Variants in SLC23A2 observed in about 807,000 individuals in gnomAD.
SLC23A2 encodes the protein solute carrier family 23 member 2, also known as Na(+)/L-ascorbic acid transporter 2.
In SLC23A2, 36 loss-of-function variants were observed where a neutral mutation model predicts 73.3. The ratio of observed to expected loss-of-function variants is 0.49; its 90% CI spans 0.38 to 0.65. SLC23A2 has a LOEUF of 0.65. Among genes scored for constraint, SLC23A2 ranks in the 30% least tolerant of loss-of-function variants. The pLI is 0.00. For synonymous variants in SLC23A2, 343 were observed against 327.3 expected (o/e 1.05, Z -0.52); for missense variants, 507 against 841.6 (o/e 0.60, Z 4.92).
upstream of SLC23A2, among the ~76,000 whole-genome samples, chr20:5,002,076 C>T (rs184171771): frequency 2.3e-4 from 35 of 152,308 alleles, no homozygotes; most frequent in Non-Finnish European, 4.1e-4. Context: ...GGCGGGTTCA[C>T]ATTCAGTGGC....
intron 2 of SLC23A2, among the ~76,000 whole-genome samples, chr20:4,949,707 C>A (rs1385250690): frequency 6.6e-6 from 1 of 152,036 alleles, no homozygotes; most frequent in African/African-American, 2.4e-5. Flanking sequence ...AGAAACATCA[C>A]CAGAGATACA....
At chr20:4,894,950 G>C (rs2122855377) in intron 6 of SLC23A2, among the ~76,000 whole-genome samples, 1 of 152,298 alleles carries the variant, frequency 6.6e-6, no homozygotes, top group South Asian at 2.1e-4. Context: ...CTGTAATCTA[G>C]ACACTTCTGC....
At chr20:4,921,611 A>T (rs1242199208) in intron 3 of SLC23A2, among the ~76,000 whole-genome samples, 1 of 152,054 alleles carries the variant, frequency 6.6e-6, no homozygotes, top group Admixed American at 6.6e-5. Flanking sequence ...CCAAAAAAAA[A>T]AAAAAAAGAA....
At chr20:4,937,837 T>C (rs1450309737) in intron 2 of SLC23A2, among the ~76,000 whole-genome samples, 1 of 152,094 alleles carries the variant, frequency 6.6e-6, no homozygotes, top group African/African-American at 2.4e-5. Flanking sequence ...GCCCTCCTTG[T>C]GATTTTTGAG....
At chr20:4,931,065 TAAGAAAAA>T (rs1568629633) in intron 3 of SLC23A2, among the ~76,000 whole-genome samples, 1 of 92,826 alleles carries the variant, frequency 1.1e-5, no homozygotes, top group African/African-American at 4.1e-5. Flanking sequence ...GTTATTTTTT[TAAGAAAAA>T]AAAAAAAAAA....
At chr20:4,884,913 GT>G in intron 7 of SLC23A2, 90 bp from the exon 8 acceptor site, 1 of 730,466 alleles carries the variant, frequency 1.4e-6, no homozygotes, top group Non-Finnish European at 2.2e-6. Context: ...TTTTCTCCCT[GT>G]TTTTATTACA....
At chr20:4,889,600 G>A (rs1300829047) in intron 6 of SLC23A2, among the ~76,000 whole-genome samples, 2 of 150,976 alleles carry the variant, frequency 1.3e-5, no homozygotes, top group African/African-American at 4.9e-5. Flanking sequence ...CTCACATGAC[G>A]AGCCAGCCTG....
Position 4,987,133 on chromosome 20 carries a change from G to A in SLC23A2, c.-282+14273C>T, listed in dbSNP as rs1049001192. 2.6e-5 allele frequency among the ~76,000 whole-genome samples: 4 copies of A among 152,094 alleles called. No homozygotes were observed. In the South Asian group the frequency reaches 6.2e-4, roughly 24 times the overall value. ...TCACACTAGGGGTCCAGAAGCAAGT[G>A]CAAAAAGAACTCAAACAGAAGCCAA... On this transcript the variant is annotated intron_variant, in intron 1 of 16. Transcript: ENST00000338244.
intron 1 of SLC23A2, among the ~76,000 whole-genome samples, chr20:4,996,635 G>A (rs921774328): frequency 2.1e-5 from 3 of 142,424 alleles, no homozygotes; most frequent in African/African-American, 5.3e-5. Flanking sequence ...GCAATGAGCC[G>A]AGGTCACACC....
intron 1 of SLC23A2, among the ~76,000 whole-genome samples, chr20:4,988,690 C>G (rs548599266): frequency 6.7e-6 from 1 of 149,266 alleles, no homozygotes; most frequent in South Asian, 2.1e-4. Context: ...GAGCTGAGAT[C>G]GCGCCCCTGC....
At chr20:4,907,229 C>A (rs909799168) in intron 4 of SLC23A2, among the ~76,000 whole-genome samples, 22 of 152,072 alleles carry the variant, frequency 1.4e-4, no homozygotes, top group Admixed American at 1.2e-3. Flanking sequence ...CCACAGGAGA[C>A]CACACGATTC....
intron 1 of SLC23A2, among the ~76,000 whole-genome samples, chr20:4,984,920 T>C (rs1314066726): frequency 2.0e-5 from 3 of 152,058 alleles, no homozygotes; most frequent in East Asian, 1.9e-4. Context: ...GGGCGGATCA[T>C]GAGGTCAAGA....
chr20:4,896,153 G>T (rs1335126991), intron 6 of SLC23A2, among the ~76,000 whole-genome samples: 1 of 152,120 alleles, frequency 6.6e-6, no homozygotes, highest in Non-Finnish European at 1.5e-5. Flanking sequence ...TGCAGCAAAC[G>T]TGCCCCCCAC....
intron 6 of SLC23A2, among the ~76,000 whole-genome samples, chr20:4,894,151 A>G (rs1424171061): frequency 1.3e-5 from 2 of 152,146 alleles, no homozygotes; most frequent in Admixed American, 6.6e-5. Flanking sequence ...AACTGTTGAA[A>G]CCTCGCTCAG....
At chr20:4,945,924 T>C (rs1424158468) in intron 2 of SLC23A2, among the ~76,000 whole-genome samples, 1 of 152,192 alleles carries the variant, frequency 6.6e-6, no homozygotes, top group African/African-American at 2.4e-5. Flanking sequence ...ATGATGGCAC[T>C]GATGACAAAA....
intron 15 of SLC23A2, 88 bp from the exon 16 acceptor site, chr20:4,859,472 A>G (rs1363773658): frequency 2.5e-6 from 2 of 812,218 alleles, no homozygotes; most frequent in Admixed American, 3.7e-5. Flanking sequence ...GTGTGGGCAG[A>G]ACTCCGCCAA....
intron 3 of SLC23A2, among the ~76,000 whole-genome samples, chr20:4,920,133 C>T (rs773104779): frequency 1.3e-4 from 20 of 152,234 alleles, no homozygotes; most frequent in East Asian, 3.9e-4. Context: ...TGGAGGCTCG[C>T]GCCTGTAATC....
rs1266343208 is a variant in SLC23A2 at position 5,001,464 on chromosome 20, C to G, written c.-340G>C. 2 of 148,932 alleles carry G rather than the reference C, an allele frequency of 1.3e-5. No homozygotes were observed. Among genetic ancestry groups the G allele is most frequent in the Non-Finnish European group, 3.0e-5 (2 of 66,768 alleles). The allele number at this position is 148,932 out of a possible 1,614,324, so 9.2% of individuals were successfully genotyped here. The stretch of plus-strand genomic sequence containing the variant: ...CCGCGCCTCGGCGCCGCAGTGCCCG[C>G]TGCAGCCTCCGCCTCCGGTCCCCGC... On this transcript the variant is annotated 5_prime_UTR_variant, in exon 1 of 17. Transcript: ENST00000338244.
intron 4 of SLC23A2, among the ~76,000 whole-genome samples, chr20:4,907,403 C>G (rs979772312): frequency 1.5e-4 from 23 of 151,940 alleles, no homozygotes; most frequent in African/African-American, 5.3e-4. Flanking sequence ...TGCCTCCTAT[C>G]CTGGAACAGT....
Sources: allele counts gnomAD v4.1 joint callset (sites outside exome capture counted in the v4.1 genomes callset), GRCh38; gene constraint gnomAD v4.1.1; transcripts MANE v1.5; gene names NCBI Gene and HGNC (gene_info 2026-07-23, HGNC 2026-07-21).